STAM: variants seen among roughly 807,000 people sequenced by gnomAD.
STAM encodes signal transducing adapter molecule 1.
A neutral mutation model predicts 63.4 loss-of-function variants in STAM; 16 were observed. The ratio of observed to expected loss-of-function variants is 0.25; its 90% CI spans 0.17 to 0.38. The LOEUF (loss-of-function observed/expected upper bound fraction) is 0.38, where lower values mean the gene tolerates loss of function less well. Ranked by LOEUF, STAM falls within the 10% of genes least tolerant of loss-of-function variation. The probability of loss-of-function intolerance (pLI) is 1.00; values close to 1 mark genes in which losing one functional copy is unlikely to be tolerated. For synonymous variants in STAM, 238 were observed against 223.9 expected (o/e 1.06, Z -0.56); for missense variants, 636 against 657.1 (o/e 0.97, Z 0.35).
At chr10:17,680,385 A>G (rs1355279890) in intron 2 of STAM, among the ~76,000 whole-genome samples, 1 of 147,960 alleles carries the variant, frequency 6.8e-6, no homozygotes, top group East Asian at 2.0e-4. Context: ...GGCAACCACC[A>G]TTCTACTTTC....
At chr10:17,705,139 C>T (rs1554829069) in intron 11 of STAM, 115 bp downstream of exon 11, 1 of 796,180 alleles carries the variant, frequency 1.3e-6, no homozygotes, top group Non-Finnish European at 2.1e-6. Context: ...GGAACCAACT[C>T]TCATTCACAT....
intron 12 of STAM, among the ~76,000 whole-genome samples, chr10:17,708,546 G>A (rs903986775): frequency 6.6e-6 from 1 of 152,146 alleles, no homozygotes; most frequent in Non-Finnish European, 1.5e-5. Context: ...TAATGCTTCA[G>A]TATGGAGATA....
intron 4 of STAM, among the ~76,000 whole-genome samples, chr10:17,686,526 G>A (rs1006887159): frequency 1.1e-4 from 17 of 152,066 alleles, no homozygotes; most frequent in Admixed American, 6.5e-4. Context: ...ACAGGCATGC[G>A]CCACCACGCC....
intron 2 of STAM, among the ~76,000 whole-genome samples, chr10:17,662,376 T>C (rs1478620860): frequency 2.0e-5 from 3 of 152,216 alleles, no homozygotes; most frequent in African/African-American, 7.2e-5. Context: ...AGACCCAATG[T>C]AGATACCACT....
At chr10:17,670,973 A>G (rs1401852233) in intron 2 of STAM, among the ~76,000 whole-genome samples, 3 of 152,204 alleles carry the variant, frequency 2.0e-5, no homozygotes, top group Non-Finnish European at 2.9e-5. Context: ...GTACTTTTAT[A>G]TTAGAATTCT....
chr10:17,711,779 C>A (rs782259364), intron 13 of STAM, among the ~76,000 whole-genome samples: 8 of 152,038 alleles, frequency 5.3e-5, no homozygotes, highest in African/African-American at 7.3e-5. Context: ...AAGACACTGC[C>A]AAGGTCGAAG....
intron 1 of STAM, among the ~76,000 whole-genome samples, chr10:17,658,103 T>C (rs532511065): frequency 6.6e-6 from 1 of 152,266 alleles, no homozygotes; most frequent in African/African-American, 2.4e-5. Context: ...TTCAATGCTA[T>C]AAATTTCCCT....
chr10:17,673,287 A>T (rs1834715667), intron 2 of STAM, among the ~76,000 whole-genome samples: 1 of 152,170 alleles, frequency 6.6e-6, no homozygotes, highest in African/African-American at 2.4e-5. Context: ...TATGTTTTCC[A>T]CTTAGCGAAC....
intron 12 of STAM, among the ~76,000 whole-genome samples, chr10:17,706,369 C>CTTTT (rs59585445): frequency 0.017 from 1,206 of 70,180 alleles, 209 homozygotes; most frequent in Non-Finnish European, 0.022. Context: ...GGTTGAGGCC[C>CTTTT]TTTTTTTTTT....
chr10:17,670,110 T>C (rs1472773095), intron 2 of STAM, among the ~76,000 whole-genome samples: 10 of 151,992 alleles, frequency 6.6e-5, no homozygotes, highest in African/African-American at 2.4e-4. Context: ...GAGGGGGAAA[T>C]TGAGATGATG....
In STAM at chr10:17,660,526, A is replaced by G. The variant is rs1242825808; in HGVS notation, c.103A>G (p.Lys35Glu). Residue 35 changes from lysine (K) to glutamate (E), a missense_variant, in exon 2 of 14, where the codon AAA becomes GAA. This residue lies in a region of STAM where 87 missense variants were observed against 80.3 expected (regional missense o/e 1.08). Transcript: ENST00000377524. ...DWGLILDICD[K>E]VGQSRTGPKD... ...GGGCCTCATTTTGGATATCTGTGAT[A>G]AAGTTGGTCAGTCTCGCACTGGGTA... The G allele has an allele frequency of 1.2e-6, 2 of 1,605,478 alleles. No individual in the cohort carries two copies. The highest frequency in any genetic ancestry group is 1.7e-6 in the Non-Finnish European group (2 of 1,176,014).
chr10:17,655,285 G>T (rs1222406584), intron 1 of STAM, among the ~76,000 whole-genome samples: 3 of 152,140 alleles, frequency 2.0e-5, no homozygotes, highest in Non-Finnish European at 4.4e-5. Context: ...ATAATTGCCT[G>T]CAAGTAAATC....
rs539133176 is a variant in STAM at position 17,652,792 on chromosome 10, A to G, written c.41-7672A>G. Among the ~76,000 whole-genome samples, 6 of 152,268 alleles carry G rather than the reference A, an allele frequency of 3.9e-5. No homozygotes were observed. The South Asian group carries it at 1.2e-3, about 32-fold the overall frequency. On this transcript the variant is annotated intron_variant, in intron 1 of 13. Coordinates refer to ENST00000377524, the MANE Select transcript of STAM (RefSeq NM_003473.4). ...TAAGTGATATTGTTCAGAATGACTC[A>G]CTCAATATTCTTGGGCTTTAGAGGG...
chr10:17,655,919 T>C lies in STAM; in HGVS notation c.41-4545T>C, dbSNP rs573710371. On this transcript the variant is annotated intron_variant, in intron 1 of 13. Transcript: ENST00000377524. Reference sequence around the variant, plus strand: ...CTGTTGTTTTGAAATATAATGATTTTTTTAAAGTTTTTTTTCCTCCTACGT... The same window carrying C: ...CTGTTGTTTTGAAATATAATGATTTCTTTAAAGTTTTTTTTCCTCCTACGT... 2.6e-5 allele frequency among the ~76,000 whole-genome samples: 4 copies of C among 151,680 alleles called. No individual in the cohort carries two copies. The East Asian group carries it at 7.7e-4, about 29-fold the overall frequency.
Position 17,693,331 on chromosome 10 carries a change from G to A in STAM, c.535+19G>A. ...GCAAAAGGTGCGTTTTTAAGTCCCT[G>A]ATGGTGGGAATAACATAAGCCTTTA... On this transcript the variant is annotated intron_variant, in intron 6 of 13. Coordinates refer to ENST00000377524, the MANE Select transcript of STAM (RefSeq NM_003473.4). 1 of 1,578,312 alleles carries A rather than the reference G, an allele frequency of 6.3e-7. No homozygotes were observed. The highest frequency in any genetic ancestry group is 8.7e-7 in the Non-Finnish European group (1 of 1,155,220).
intron 12 of STAM, among the ~76,000 whole-genome samples, chr10:17,708,570 A>G (rs782084307): frequency 2.0e-5 from 3 of 152,146 alleles, no homozygotes; most frequent in South Asian, 2.1e-4. Flanking sequence ...TGAGTTTAGC[A>G]TATGTTTAAC....
In STAM at chr10:17,684,887, C is replaced by T. The variant is rs1835231461; in HGVS notation, c.257C>T (p.Ser86Leu). The T allele has an allele frequency of 6.2e-7, 1 of 1,613,798 alleles. No homozygotes were observed. The highest frequency in any genetic ancestry group is 1.3e-5 in the African/African-American group (1 of 74,894). ...CGKIFHLEVC[S>L]RDFASEVSNV... Reference sequence around the variant, plus strand: ...AAAATTTTTCATTTAGAAGTATGTTCAAGAGATTTTGCTAGTGAAGTAAGC... The same window carrying T: ...AAAATTTTTCATTTAGAAGTATGTTTAAGAGATTTTGCTAGTGAAGTAAGC... The change falls in exon 4 of 14, where the codon TCA (serine) becomes TTA (leucine). Residue 86 changes from serine (S) to leucine (L), a missense_variant. By Grantham distance (145) the Ser-to-Leu change is moderately radical. Transcript: ENST00000377524.
chr10:17,708,434 C>T (rs1836396820), intron 12 of STAM, among the ~76,000 whole-genome samples: 1 of 152,146 alleles, frequency 6.6e-6, no homozygotes, highest in African/African-American at 2.4e-5. Flanking sequence ...AATACACTTT[C>T]TAAATATCCT....
chr10:17,673,030 T>G, intron 2 of STAM: 1 of 985,378 alleles, frequency 1.0e-6, no homozygotes. Flanking sequence ...AAAATGGGGT[T>G]TTAAGAAGCT....
Sources: gnomAD v4.1 joint callset for allele counts (sites outside exome capture counted in the v4.1 genomes callset) on GRCh38, gnomAD v4.1.1 for gene constraint, gnomAD v4.1.1 regional missense constraint, MANE v1.5 for transcripts, NCBI Gene and HGNC (gene_info 2026-07-23, HGNC 2026-07-21) for gene names.